GNA15: variants seen among roughly 807,000 people sequenced by gnomAD.
GNA15 encodes G protein subunit alpha 15.
A neutral mutation model predicts 40.1 loss-of-function variants in GNA15; 23 were observed. That is an observed-to-expected ratio of 0.57 (90% CI 0.41 to 0.81). GNA15 has a LOEUF of 0.81. Ranked by LOEUF, GNA15 falls within the 40% of genes least tolerant of loss-of-function variation. GNA15 has a pLI of 0.00. For synonymous variants in GNA15, 226 were observed against 210.4 expected, an observed-to-expected ratio of 1.07 and a Z score of -0.64; for missense variants, 522 against 515.8, an observed-to-expected ratio of 1.01 and a Z score of -0.12.
chr19:3,149,113 A>G (rs1914812599), intron 2 of GNA15: 2 of 283,264 alleles, frequency 7.1e-6, no homozygotes, highest in Non-Finnish European at 1.4e-5. Context: ...GAATGCACAC[A>G]CGTGCACACG....
chr19:3,144,619 C>T (rs1297357766), intron 1 of GNA15, among the ~76,000 whole-genome samples: 2 of 151,762 alleles, frequency 1.3e-5, no homozygotes, highest in African/African-American at 4.8e-5. Flanking sequence ...AGCTCCGCCT[C>T]CCCGGTTCAC....
chr19:3,159,022 AT>A (rs34308346), intron 6 of GNA15, among the ~76,000 whole-genome samples: 26,470 of 150,020 alleles, frequency 0.18, 2,484 homozygotes, highest in African/African-American at 0.2. Flanking sequence ...TTTTTCTTTA[AT>A]TTTTTTTTGT....
At chr19:3,150,022 TGGGAAGAGAGCGTGTTTCAGGGA>T in intron 2 of GNA15, 86 bp from the exon 3 acceptor site, 2 of 878,478 alleles carry the variant, frequency 2.3e-6, no homozygotes, top group Non-Finnish European at 1.8e-6. Flanking sequence ...AGGAGAGCAG[TGGGAAGAGAGCGTGTTTCAGGGA>T]GGGACGTGGG....
chr19:3,150,899 G>A (rs538489771), intron 3 of GNA15, among the ~76,000 whole-genome samples: 18 of 151,360 alleles, frequency 1.2e-4, no homozygotes, highest in South Asian at 4.2e-4. Context: ...CCCTGTTCCC[G>A]GGGGTGACTC....
chr19:3,140,976 G>C (rs1914563323), intron 1 of GNA15, among the ~76,000 whole-genome samples: 1 of 152,188 alleles, frequency 6.6e-6, no homozygotes. Context: ...CATCCCTGGA[G>C]ACAGGTCTGA....
At chr19:3,144,324 C>T (rs1008291198) in intron 1 of GNA15, among the ~76,000 whole-genome samples, 2 of 151,878 alleles carry the variant, frequency 1.3e-5, no homozygotes, top group African/African-American at 2.4e-5. Context: ...CTCAAAGAAA[C>T]GGGTGGGAGG....
chr19:3,157,288 C>G (rs939653378), intron 5 of GNA15, among the ~76,000 whole-genome samples: 2 of 152,168 alleles, frequency 1.3e-5, no homozygotes, highest in Non-Finnish European at 2.9e-5. Flanking sequence ...CGTGAGCTGC[C>G]GCGCCCGGCC....
At chr19:3,147,349 T>A (rs907970879) in intron 1 of GNA15, among the ~76,000 whole-genome samples, 5 of 145,818 alleles carry the variant, frequency 3.4e-5, no homozygotes, top group African/African-American at 1.3e-4. Context: ...GCCCAGGAAT[T>A]TGAGACCAGC....
chr19:3,141,277 G>A (rs145507263), intron 1 of GNA15, among the ~76,000 whole-genome samples: 3 of 152,004 alleles, frequency 2.0e-5, no homozygotes, highest in South Asian at 2.1e-4. Context: ...ACAACATTGC[G>A]AGACCCAGTC....
intron 2 of GNA15, chr19:3,149,823 C>T (rs1476742467): frequency 3.7e-6 from 1 of 271,836 alleles, no homozygotes; most frequent in East Asian, 7.8e-5. Context: ...TGCCGTGCTT[C>T]CTGGGAGCCA....
At chr19:3,156,316 A>G (rs1915018607) in intron 5 of GNA15, among the ~76,000 whole-genome samples, 1 of 151,810 alleles carries the variant, frequency 6.6e-6, no homozygotes, top group Non-Finnish European at 1.5e-5. Context: ...CACGCAGTGC[A>G]CATGCACAAC....
intron 1 of GNA15, chr19:3,146,620 T>C: frequency 6.6e-6 from 1 of 152,374 alleles, no homozygotes; most frequent in Non-Finnish European, 1.5e-5. Flanking sequence ...CCCCAGTGTC[T>C]CTCAAATATG....
intron 1 of GNA15, among the ~76,000 whole-genome samples, chr19:3,141,422 G>C (rs1484927458): frequency 6.6e-6 from 1 of 152,090 alleles, no homozygotes; most frequent in East Asian, 1.9e-4. Context: ...TTGAGACAGA[G>C]TCTTACTCTA....
At chr19:3,147,204 C>A (rs1236512885) in intron 1 of GNA15, among the ~76,000 whole-genome samples, 1 of 152,198 alleles carries the variant, frequency 6.6e-6, no homozygotes, top group Admixed American at 6.5e-5. Context: ...GTAAAAGTTT[C>A]TCTACCTGAA....
chr19:3,158,128 A>G (rs1471939878), intron 6 of GNA15, among the ~76,000 whole-genome samples: 1 of 152,146 alleles, frequency 6.6e-6, no homozygotes, highest in African/African-American at 2.4e-5. Flanking sequence ...CACGTAGCAT[A>G]TCACGTACAC....
At chr19:3,146,177 C>A (rs1208584207) in intron 1 of GNA15, among the ~76,000 whole-genome samples, 1 of 152,198 alleles carries the variant, frequency 6.6e-6, no homozygotes, top group African/African-American at 2.4e-5. Flanking sequence ...GCACGCCAAC[C>A]CTGGAGGCAG....
At position 3,136,498 on chromosome 19, in the gene GNA15, G is replaced by C. The variant is rs751274515; in HGVS notation, c.48G>C (p.Glu16Asp). ...TWRCCPWCLT[E>D]DEKAAARVDQ... is the part of the protein sequence containing the mutation. ...GCTGCTGCCCCTGGTGCCTGACGGA[G>C]GATGAGAAGGCCGCCGCCCGGGTGG... The change falls in exon 1 of 7, where the codon GAG becomes GAC. Residue 16 changes from glutamate to aspartate, a missense_variant. Physicochemically the swap from Glu to Asp is conservative, Grantham distance 45. Coordinates refer to ENST00000262958, the MANE Select transcript of GNA15 (RefSeq NM_002068.4). The surrounding 1 kb of genome is among the most constrained non-coding windows in gnomAD (Gnocchi z 4.9). The C allele has an allele frequency of 3.8e-5, 60 of 1,558,962 alleles. No homozygotes were observed. Among genetic ancestry groups the C allele is most frequent in the Middle Eastern group, 2.1e-4 (1 of 4,714 alleles).
intron 4 of GNA15, chr19:3,154,965 G>A (rs1237257786): frequency 2.0e-5 from 3 of 152,142 alleles, no homozygotes; most frequent in Non-Finnish European, 4.4e-5. Context: ...CTGGTCAGTT[G>A]CTGATCCCAC....
intron 1 of GNA15, chr19:3,141,570 ATTT>A (rs1914576927): frequency 6.6e-6 from 1 of 152,070 alleles, no homozygotes; most frequent in Admixed American, 6.6e-5. Context: ...TAATTTTTGT[ATTT>A]TTAGTAGAGA....
Sources: gnomAD v4.1 joint callset for allele counts (sites outside exome capture counted in the v4.1 genomes callset) on GRCh38, gnomAD v4.1.1 for gene constraint, Gnocchi (gnomAD v3.1) non-coding constraint, MANE v1.5 for transcripts, NCBI Gene and HGNC (gene_info 2026-07-23, HGNC 2026-07-21) for gene names.